The following KANTR variants were observed in gnomAD, a reference collection of about 807,000 sequenced individuals.
KANTR encodes the protein KANTR integral membrane protein.
downstream of KANTR, chrX:53,143,759 A>G: frequency 1.8e-6 from 1 of 567,080 alleles, no homozygotes; most frequent in Non-Finnish European, 3.1e-6. Flanking sequence ...CCCATGTAGG[A>G]GTCCTTCTGG....
chrX:53,134,186 A>C (rs1556817346), intron 2 of KANTR, among the ~76,000 whole-genome samples: 3 of 110,714 alleles, frequency 2.7e-5, no homozygotes, highest in Non-Finnish European at 3.8e-5. Context: ...ACATGGAGAA[A>C]TCCCGTATCT....
intron 2 of KANTR, among the ~76,000 whole-genome samples, chrX:53,101,507 A>G (rs1242255751): frequency 1.9e-4 from 21 of 112,259 alleles, no homozygotes; most frequent in African/African-American, 6.8e-4. Flanking sequence ...AATACTTAGA[A>G]GCCATTGTGG....
chrX:53,136,730 A>T (rs1401584506), intron 2 of KANTR, among the ~76,000 whole-genome samples: 7 of 42,561 alleles, frequency 1.6e-4, no homozygotes, highest in African/African-American at 2.3e-4. Flanking sequence ...ATATATATAT[A>T]TTTTGTTTGT....
At chrX:53,100,901 C>G (rs782498581) in intron 2 of KANTR, among the ~76,000 whole-genome samples, 9 of 112,970 alleles carry the variant, frequency 8.0e-5, no homozygotes, top group Non-Finnish European at 1.5e-4. Context: ...TGCAGTTTCA[C>G]CTTGCACTTT....
downstream of KANTR, among the ~76,000 whole-genome samples, chrX:53,129,723 T>C (rs1933338094): frequency 1.8e-5 from 2 of 110,778 alleles, no homozygotes; most frequent in African/African-American, 6.5e-5. Flanking sequence ...ATCTTTTTAG[T>C]TGGTGTTGTC....
intron 2 of KANTR, among the ~76,000 whole-genome samples, chrX:53,137,408 A>G (rs1933439928): frequency 8.9e-6 from 1 of 111,974 alleles, no homozygotes; most frequent in Non-Finnish European, 1.9e-5. Context: ...CATGTCATTC[A>G]TAATTCTTCA....
At chrX:53,111,829 C>G (rs897003149) in intron 2 of KANTR, among the ~76,000 whole-genome samples, 2 of 111,769 alleles carry the variant, frequency 1.8e-5, no homozygotes, top group African/African-American at 6.5e-5. Context: ...TAAAACAAAA[C>G]AGAACAACAA....
Position 53,107,187 on chromosome X carries a change from TC to T in KANTR, c.-805+7580del, listed in dbSNP as rs1932964218. On this transcript the variant is annotated intron_variant, in intron 2 of 2. Transcript: ENST00000604062. Reference sequence around the variant, plus strand: ...TTTAGGATCAGCTTTCCAATTTCTTTCTTTTTTTTTTTCTTTTACAGATAGG... The same window carrying T: ...TTTAGGATCAGCTTTCCAATTTCTTTTTTTTTTTTTTCTTTTACAGATAGG... Among the ~76,000 whole-genome samples the T allele has an allele frequency of 2.8e-5, 3 of 108,955 alleles. 1 individual carries two copies. Among genetic ancestry groups the T allele is most frequent in the African/African-American group, 6.9e-5 (2 of 29,146 alleles). The allele number at this position is 108,955 out of a possible 115,157, so 94.6% of individuals were successfully genotyped here.
downstream of KANTR, among the ~76,000 whole-genome samples, chrX:53,144,160 C>T (rs1486310523): frequency 7.2e-5 from 8 of 111,200 alleles, no homozygotes; most frequent in Non-Finnish European, 1.1e-4. Context: ...TTTATGAGGC[C>T]GAGGAGGGTG....
At chrX:53,147,007 A>C (rs1358636218), downstream of KANTR, among the ~76,000 whole-genome samples, 1 of 112,348 alleles carries the variant, frequency 8.9e-6, no homozygotes, top group Non-Finnish European at 1.9e-5. Context: ...CAGCCACTGC[A>C]AAAACATGCC....
At chrX:53,143,273 G>C, downstream of KANTR, 1 of 601,276 alleles carries the variant, frequency 1.7e-6, no homozygotes, top group East Asian at 3.4e-5. Flanking sequence ...GGGCGATGTA[G>C]CACACCTTCT....
intron 2 of KANTR, 84 bp from the exon 3 acceptor site, chrX:53,123,385 C>T (rs1933251908): frequency 8.9e-6 from 1 of 111,832 alleles, no homozygotes; most frequent in Admixed American, 9.5e-5. Flanking sequence ...TAAAACTTCT[C>T]ATGATGATGT....
At chrX:53,120,872 C>T (rs1476372712) in intron 2 of KANTR, among the ~76,000 whole-genome samples, 1 of 110,365 alleles carries the variant, frequency 9.1e-6, no homozygotes, top group African/African-American at 3.3e-5. Context: ...AAGCGTGTGC[C>T]ACCACGCTCA....
At chrX:53,131,451 T>C (rs1556817038), downstream of KANTR, among the ~76,000 whole-genome samples, 1 of 112,268 alleles carries the variant, frequency 8.9e-6, no homozygotes, top group Non-Finnish European at 1.9e-5. Context: ...GAATGCAGGA[T>C]TGGCTTGGCA....
chrX:53,100,671 A>G (rs1602112124), intron 2 of KANTR, among the ~76,000 whole-genome samples: 1 of 103,924 alleles, frequency 9.6e-6, no homozygotes, highest in African/African-American at 3.6e-5. Flanking sequence ...GGTGGCGGGC[A>G]CCTGTAATCC....
At chrX:53,134,718 C>T (rs1171683894) in intron 2 of KANTR, among the ~76,000 whole-genome samples, 1 of 111,097 alleles carries the variant, frequency 9.0e-6, no homozygotes, top group African/African-American at 3.3e-5. Context: ...GTGTTGGAAA[C>T]GGGAGTGAGG....
chrX:53,133,986 C>G (rs918544113), intron 2 of KANTR, among the ~76,000 whole-genome samples: 3 of 111,708 alleles, frequency 2.7e-5, no homozygotes, highest in Middle Eastern at 4.2e-3. Context: ...CAATACTGCT[C>G]CTTCCATAAC....
Position 53,103,727 on chromosome X carries a change from T to G in KANTR, c.-805+4119T>G, listed in dbSNP as rs782176272. Among the ~76,000 whole-genome samples the G allele has an allele frequency of 7.2e-5, 8 of 111,821 alleles. No individual in the cohort carries two copies. The Middle Eastern group carries it at 0.018, about 256-fold the overall frequency. ...CTTACACTCAGGCTTCCTACTTGAC[T>G]GAAAAAATGGAAACCATTGGAATAA... On this transcript the variant is annotated intron_variant, in intron 2 of 2. Transcript: ENST00000604062.
At chrX:53,119,070 G>A (rs1393338684) in intron 2 of KANTR, among the ~76,000 whole-genome samples, 5 of 97,984 alleles carry the variant, frequency 5.1e-5, no homozygotes, top group African/African-American at 1.9e-4. Flanking sequence ...TTTGTGAGAC[G>A]GGGTCTCACT....
Sources: allele counts gnomAD v4.1 joint callset (sites outside exome capture counted in the v4.1 genomes callset), GRCh38; gene constraint gnomAD v4.1.1; transcripts MANE v1.5; gene names NCBI Gene and HGNC (gene_info 2026-07-23, HGNC 2026-07-21).